DLGAP1: variants seen among roughly 807,000 people sequenced by gnomAD.
DLGAP1 encodes disks large-associated protein 1.
Under a neutral mutation model 90.8 loss-of-function variants are expected in DLGAP1, and 11 were observed. That is an observed-to-expected ratio of 0.12 (90% CI 0.08 to 0.20). The LOEUF (loss-of-function observed/expected upper bound fraction) is 0.20, where lower values mean the gene tolerates loss of function less well. DLGAP1 is among the 10% of genes least tolerant of loss of function. The pLI is 1.00. For missense variants in DLGAP1, 1,050 were observed against 1,333.8 expected (o/e 0.79, Z 3.31); for synonymous variants, 558 against 540.7 (o/e 1.03, Z -0.44).
chr18:4,305,249 A>G (rs1158218932), intron 1 of DLGAP1, among the ~76,000 whole-genome samples: 1 of 150,816 alleles, frequency 6.6e-6, no homozygotes, highest in Non-Finnish European at 1.5e-5. Flanking sequence ...TAACATGAAA[A>G]ACCAGCCGGG....
intron 7 of DLGAP1, among the ~76,000 whole-genome samples, chr18:3,691,255 C>T (rs1194053660): frequency 1.3e-5 from 2 of 152,042 alleles, no homozygotes; most frequent in African/African-American, 4.8e-5. Context: ...TTAAGACCAG[C>T]CTGGCCAACA....
At chr18:3,741,309 TCACCAC>T (rs1224630769) in intron 6 of DLGAP1, among the ~76,000 whole-genome samples, 4 of 47,192 alleles carry the variant, frequency 8.5e-5, no homozygotes, top group African/African-American at 1.9e-4. Flanking sequence ...CCACATCACA[TCACCAC>T]CACCACCACC....
chr18:3,931,359 G>A (rs1197645546), intron 3 of DLGAP1, among the ~76,000 whole-genome samples: 6 of 152,136 alleles, frequency 3.9e-5, no homozygotes, highest in Non-Finnish European at 8.8e-5. Flanking sequence ...CCTGTTCACC[G>A]GGTCTGTGCC....
intron 1 of DLGAP1, among the ~76,000 whole-genome samples, chr18:4,272,338 C>CT (rs914984457): frequency 1.3e-5 from 2 of 151,910 alleles, no homozygotes; most frequent in Admixed American, 6.6e-5. Context: ...TTTATTTTAC[C>CT]TTTTTTTGTT....
intron 4 of DLGAP1, among the ~76,000 whole-genome samples, chr18:3,837,849 C>CAAAAAAAAAAAAAAAAAAAAAAAA (rs5822770): frequency 3.7e-5 from 1 of 26,798 alleles, no homozygotes; most frequent in African/African-American, 1.4e-4. Flanking sequence ...GAGATTCTGT[C>CAAAAAAAAAAAAAAAAAAAAAAAA]AAAAAAAAAA....
At chr18:4,197,416 A>G (rs2077521751) in intron 1 of DLGAP1, among the ~76,000 whole-genome samples, 1 of 152,126 alleles carries the variant, frequency 6.6e-6, no homozygotes, top group Admixed American at 6.6e-5. Context: ...AATACAGAGC[A>G]TCTAGAATGG....
chr18:3,907,136 C>T (rs752301001), intron 3 of DLGAP1, among the ~76,000 whole-genome samples: 13 of 150,668 alleles, frequency 8.6e-5, no homozygotes, highest in Admixed American at 8.0e-4. Context: ...TGGATGTTAG[C>T]GTCAGTGGGG....
chr18:3,861,670 G>A (rs1016235283), intron 4 of DLGAP1, among the ~76,000 whole-genome samples: 5 of 152,134 alleles, frequency 3.3e-5, no homozygotes, highest in Admixed American at 6.5e-5. Flanking sequence ...CCCATCCAAA[G>A]GTCTTTTTGA....
At chr18:4,021,406 C>T (rs1599338742) in intron 2 of DLGAP1, among the ~76,000 whole-genome samples, 4 of 151,930 alleles carry the variant, frequency 2.6e-5, no homozygotes, top group African/African-American at 2.4e-5. Flanking sequence ...TTCTCTCTTG[C>T]TCCTGCTTTT....
chr18:3,610,332 T>A (rs1475526149), intron 7 of DLGAP1, among the ~76,000 whole-genome samples: 1 of 152,156 alleles, frequency 6.6e-6, no homozygotes, highest in African/African-American at 2.4e-5. Context: ...CCTCCGCCTA[T>A]CCAGACCTAG....
intron 2 of DLGAP1, among the ~76,000 whole-genome samples, chr18:4,063,216 T>C (rs901447184): frequency 2.0e-5 from 3 of 152,090 alleles, no homozygotes; most frequent in African/African-American, 7.2e-5. Context: ...TACAGTAAAG[T>C]CACTGAAGCA....
chr18:3,704,952 C>G (rs545208428), intron 7 of DLGAP1, among the ~76,000 whole-genome samples: 1 of 152,142 alleles, frequency 6.6e-6, no homozygotes, highest in African/African-American at 2.4e-5. Context: ...GACATGAATA[C>G]ATGCAAAAGC....
chr18:4,169,540 T>A (rs2076989219), intron 1 of DLGAP1, among the ~76,000 whole-genome samples: 1 of 152,220 alleles, frequency 6.6e-6, no homozygotes, highest in Non-Finnish European at 1.5e-5. Context: ...TAACACATAC[T>A]TTTTGTTAGA....
chr18:4,208,968 T>C (rs2077782215), intron 1 of DLGAP1, among the ~76,000 whole-genome samples: 1 of 152,134 alleles, frequency 6.6e-6, no homozygotes, highest in Admixed American at 6.5e-5. Context: ...ACAACCACTG[T>C]CAGTGGCAAT....
At chr18:3,754,959 C>CCATGG in intron 5 of DLGAP1, among the ~76,000 whole-genome samples, 1 of 151,964 alleles carries the variant, frequency 6.6e-6, no homozygotes, top group Middle Eastern at 3.4e-3. Context: ...AATTTATAGA[C>CCATGG]CATGCATGGC....
chr18:3,697,685 C>G (rs79380059), intron 7 of DLGAP1, among the ~76,000 whole-genome samples: 4 of 151,956 alleles, frequency 2.6e-5, no homozygotes, highest in Non-Finnish European at 5.9e-5. Flanking sequence ...GGGAGAGTTC[C>G]GTAGATGTCT....
chr18:3,578,120 A>C (rs1187845006), intron 8 of DLGAP1, among the ~76,000 whole-genome samples: 1 of 152,188 alleles, frequency 6.6e-6, no homozygotes, highest in Non-Finnish European at 1.5e-5. Context: ...CAGATGAAGA[A>C]TCTGAGATAC....
chr18:3,498,950 C>A lies in DLGAP1; in HGVS notation c.*235G>T. Reference sequence around the variant, plus strand: ...ATCTCAGTATGAGGCAGGGCGACGGCATCAGGACAGGGGGCGAAGCTCGGT... The same window carrying A: ...ATCTCAGTATGAGGCAGGGCGACGGAATCAGGACAGGGGGCGAAGCTCGGT... On this transcript the variant is annotated 3_prime_UTR_variant, in exon 13 of 13. Coordinates refer to ENST00000315677, the MANE Select transcript of DLGAP1 (RefSeq NM_004746.4). The A allele has an allele frequency of 1.8e-6, 1 of 541,778 alleles. No homozygotes were observed. The highest frequency in any genetic ancestry group is 3.2e-6 in the Non-Finnish European group (1 of 310,146). The allele number at this position is 541,778 out of a possible 1,614,324, so 33.6% of individuals were successfully genotyped here.
intron 6 of DLGAP1, among the ~76,000 whole-genome samples, chr18:3,742,025 T>C (rs2063074084): frequency 6.6e-6 from 1 of 152,124 alleles, no homozygotes; most frequent in Non-Finnish European, 1.5e-5. Flanking sequence ...GTATTTTTGA[T>C]AGATACAGGG....
Sources: allele counts gnomAD v4.1 joint callset (sites outside exome capture counted in the v4.1 genomes callset), GRCh38; gene constraint gnomAD v4.1.1; transcripts MANE v1.5; gene names NCBI Gene and HGNC (gene_info 2026-07-23, HGNC 2026-07-21).